Variants in ARFIP1 observed in about 807,000 individuals in gnomAD.
ARFIP1 encodes ARF interacting protein 1, also known as arfaptin-1.
Under a neutral mutation model 42.5 loss-of-function variants are expected in ARFIP1, and 24 were observed. The observed-to-expected ratio is 0.57, with a 90% CI of 0.41 to 0.80. ARFIP1 has a LOEUF of 0.80. Ranked by LOEUF, ARFIP1 falls within the 30% of genes least tolerant of loss-of-function variation. The pLI is 0.00. For synonymous variants in ARFIP1, 141 were observed against 153.7 expected (o/e 0.92, Z 0.61); for missense variants, 354 against 434.0 (o/e 0.82, Z 1.64).
chr4:152,847,104 T>C (rs1732594512), intron 2 of ARFIP1, among the ~76,000 whole-genome samples: 1 of 148,000 alleles, frequency 6.8e-6, no homozygotes, highest in Non-Finnish European at 1.5e-5. Flanking sequence ...GCCTCGTATG[T>C]TAATGTTTTT....
chr4:152,819,178 A>G (rs988366363), intron 1 of ARFIP1, among the ~76,000 whole-genome samples: 6 of 152,154 alleles, frequency 3.9e-5, no homozygotes, highest in Non-Finnish European at 7.3e-5. Flanking sequence ...TGCAGTTGCA[A>G]GTGCTACCTC....
At chr4:152,884,845 C>T (rs113232432) in intron 7 of ARFIP1, among the ~76,000 whole-genome samples, 138 of 152,008 alleles carry the variant, frequency 9.1e-4, no homozygotes, top group Non-Finnish European at 1.7e-3. Context: ...TATAAGATCT[C>T]AGATTATAAA....
At chr4:152,806,752 A>G (rs568476659) in intron 1 of ARFIP1, among the ~76,000 whole-genome samples, 2 of 152,002 alleles carry the variant, frequency 1.3e-5, no homozygotes, top group East Asian at 3.9e-4. Context: ...ATGTTCTAGA[A>G]TTCTGTACAA....
chr4:152,827,393 TTGA>T lies in ARFIP1; in HGVS notation c.-9-2228_-9-2226del, dbSNP rs540739835. Among the ~76,000 whole-genome samples the T allele has an allele frequency of 2.6e-3, 394 of 152,320 alleles. 1 individual carries two copies. Among genetic ancestry groups the T allele is most frequent in the Non-Finnish European group, 4.6e-3 (315 of 68,028 alleles). Reference sequence around the variant, plus strand: ...CGCTAGAGTGGTACATTCGTTAAAATTGATGACCCTACATTGACACATCATCAC... The same window carrying T: ...CGCTAGAGTGGTACATTCGTTAAAATTGACCCTACATTGACACATCATCAC... On this transcript the variant is annotated intron_variant, in intron 1 of 8. Coordinates refer to ENST00000353617, the MANE Select transcript of ARFIP1 (RefSeq NM_001025595.3).
At chr4:152,845,449 A>G (rs1451821132) in intron 2 of ARFIP1, among the ~76,000 whole-genome samples, 6 of 152,222 alleles carry the variant, frequency 3.9e-5, no homozygotes, top group African/African-American at 9.7e-5. Flanking sequence ...TTTGCAGACT[A>G]TGCATCTGAC....
chr4:152,903,772 G>A (rs996237606), intron 8 of ARFIP1, among the ~76,000 whole-genome samples: 7 of 152,200 alleles, frequency 4.6e-5, no homozygotes, highest in Middle Eastern at 3.4e-3. Flanking sequence ...CTGAGCCTGA[G>A]CCTTTGTTAG....
intron 7 of ARFIP1, among the ~76,000 whole-genome samples, chr4:152,884,554 C>G (rs191840617): frequency 6.6e-6 from 1 of 152,072 alleles, no homozygotes; most frequent in African/African-American, 2.4e-5. Context: ...AAAATACCCC[C>G]ACCACCTCCT....
At chr4:152,863,519 T>C in intron 2 of ARFIP1, 87 bp from the exon 3 acceptor site, 3 of 736,034 alleles carry the variant, frequency 4.1e-6, no homozygotes, top group Non-Finnish European at 6.9e-6. Context: ...AATCTAAGAT[T>C]TGATTAAAAG....
At chr4:152,828,798 AC>A (rs1731040556) in intron 1 of ARFIP1, among the ~76,000 whole-genome samples, 1 of 152,160 alleles carries the variant, frequency 6.6e-6, no homozygotes. Context: ...TCATCACCAT[AC>A]CCACGGTCAT....
intron 8 of ARFIP1, among the ~76,000 whole-genome samples, chr4:152,898,006 A>G (rs1737491708): frequency 7.9e-6 from 1 of 125,800 alleles, no homozygotes; most frequent in African/African-American, 3.0e-5. Context: ...TTTTTTTGAG[A>G]CGAGTCTCGC....
intron 8 of ARFIP1, among the ~76,000 whole-genome samples, chr4:152,889,865 C>G (rs1336924820): frequency 4.9e-5 from 6 of 123,182 alleles, no homozygotes; most frequent in East Asian, 2.2e-4. Context: ...ACTATATATA[C>G]TATATATATA....
At chr4:152,905,541 A>T (rs1738246271) in intron 8 of ARFIP1, among the ~76,000 whole-genome samples, 2 of 60,878 alleles carry the variant, frequency 3.3e-5, no homozygotes, top group Non-Finnish European at 3.4e-5. Context: ...GAATTGTAAG[A>T]ATTGTTTTTT....
intron 2 of ARFIP1, chr4:152,850,748 G>A (rs572066106): frequency 2.6e-5 from 4 of 152,302 alleles, no homozygotes; most frequent in African/African-American, 9.6e-5. Flanking sequence ...TGGTTGTTTA[G>A]AAGTACCAAT....
chr4:152,879,388 G>A (rs1468779626), intron 5 of ARFIP1, among the ~76,000 whole-genome samples: 1 of 152,044 alleles, frequency 6.6e-6, no homozygotes, highest in African/African-American at 2.4e-5. Flanking sequence ...TATGTTTGAA[G>A]GAAAGTCTAG....
chr4:152,804,498 A>AT (rs1728848963), intron 1 of ARFIP1, among the ~76,000 whole-genome samples: 4 of 126,860 alleles, frequency 3.2e-5, no homozygotes, highest in African/African-American at 1.2e-4. Flanking sequence ...TTATATATAT[A>AT]TAATATATAT....
chr4:152,896,917 C>G (rs1737385969), intron 8 of ARFIP1, among the ~76,000 whole-genome samples: 1 of 152,078 alleles, frequency 6.6e-6, no homozygotes, highest in Admixed American at 6.6e-5. Context: ...AAAAAGTTAA[C>G]TTAGAATGTG....
intron 2 of ARFIP1, among the ~76,000 whole-genome samples, chr4:152,858,247 A>G (rs1377736721): frequency 6.6e-6 from 1 of 152,126 alleles, no homozygotes; most frequent in African/African-American, 2.4e-5. Flanking sequence ...GGCCCAGATC[A>G]CACCACTGCA....
intron 1 of ARFIP1, among the ~76,000 whole-genome samples, chr4:152,819,503 A>C (rs1448606158): frequency 6.6e-6 from 1 of 152,160 alleles, no homozygotes; most frequent in Non-Finnish European, 1.5e-5. Context: ...AATCTACTGC[A>C]GACATTCCCC....
rs1579063726 is a variant in ARFIP1, at chr4:152,910,322, A to G, written c.*103A>G. The G allele has an allele frequency of 7.6e-7, 1 of 1,319,590 alleles. No individual in the cohort carries two copies. The highest frequency in any genetic ancestry group is 2.5e-5 in the East Asian group (1 of 40,806). The allele number at this position is 1,319,590 out of a possible 1,614,324, so 81.7% of individuals were successfully genotyped here. A position where few individuals can be genotyped will look rare whatever the true frequency, so the allele number is the denominator to read the frequency against. ...GGAAGTGGGAGGGGTGACAAGCATT[A>G]TAGTGATTCTTGCACAAACAGCTTT... On this transcript the variant is annotated 3_prime_UTR_variant, in exon 9 of 9. Transcript: ENST00000353617.
Sources: allele counts gnomAD v4.1 joint callset (sites outside exome capture counted in the v4.1 genomes callset), GRCh38; gene constraint gnomAD v4.1.1; transcripts MANE v1.5; gene names NCBI Gene and HGNC (gene_info 2026-07-23, HGNC 2026-07-21).